Variants in APLF observed in about 807,000 individuals in gnomAD.
APLF encodes aprataxin and PNK-like factor.
APLF carries 61 observed loss-of-function variants against 55.6 expected under a neutral mutation model. That is an observed-to-expected ratio of 1.10 (90% CI 0.89 to 1.36). The LOEUF (loss-of-function observed/expected upper bound fraction) is 1.36, where lower values mean the gene tolerates loss of function less well. Among genes scored for constraint, APLF ranks in the 40% most tolerant of loss-of-function variants. The pLI is 0.00. For missense variants in APLF, 611 were observed against 602.5 expected, an observed-to-expected ratio of 1.01 and a Z score of -0.15; for synonymous variants, 207 against 214.8, an observed-to-expected ratio of 0.96 and a Z score of 0.32.
intron 6 of APLF, chr2:68,531,397 G>A (rs1025926682): frequency 1.3e-5 from 2 of 152,146 alleles, no homozygotes; most frequent in Non-Finnish European, 2.9e-5. Flanking sequence ...ACTGTGCACC[G>A]AAATGATTGA....
At chr2:68,511,875 A>T (rs1669383241) in intron 3 of APLF, among the ~76,000 whole-genome samples, 1 of 151,720 alleles carries the variant, frequency 6.6e-6, no homozygotes, top group Non-Finnish European at 1.5e-5. Context: ...TACTCTAAGT[A>T]AATTTTCTCT....
intron 5 of APLF, among the ~76,000 whole-genome samples, chr2:68,516,009 A>G (rs556473435): frequency 1.3e-5 from 2 of 151,974 alleles, no homozygotes; most frequent in African/African-American, 2.4e-5. Flanking sequence ...TTATTCAGAC[A>G]TGAGTAACTT....
At chr2:68,569,282 G>A (rs1348019176) in intron 9 of APLF, among the ~76,000 whole-genome samples, 4 of 152,104 alleles carry the variant, frequency 2.6e-5, no homozygotes, top group African/African-American at 9.7e-5. Flanking sequence ...GGGAAAGGGA[G>A]GGAGTACTTT....
chr2:68,555,519 C>G (rs191024572), intron 8 of APLF, among the ~76,000 whole-genome samples: 2 of 151,966 alleles, frequency 1.3e-5, no homozygotes, highest in Non-Finnish European at 2.9e-5. Context: ...AGACAATTTT[C>G]AAAAGAGGAT....
At chr2:68,468,835 A>G (rs1003247103) in intron 1 of APLF, among the ~76,000 whole-genome samples, 7 of 152,276 alleles carry the variant, frequency 4.6e-5, no homozygotes, top group African/African-American at 1.4e-4. Context: ...CACCTGTGTC[A>G]GTGAGCTAAC....
intron 7 of APLF, 144 bp from the exon 8 acceptor site, chr2:68,545,043 A>T (rs532957495): frequency 1.4e-4 from 130 of 900,392 alleles, no homozygotes; most frequent in Non-Finnish European, 2.0e-4. Flanking sequence ...ATGTTGATGT[A>T]ATCTGCGCTT....
chr2:68,513,059 A>G (rs759660590), intron 3 of APLF, 21 bp from the exon 4 acceptor site: 2 of 1,575,246 alleles, frequency 1.3e-6, no homozygotes, highest in Non-Finnish European at 1.7e-6. Context: ...ATTAAAGACC[A>G]GTTTCTATTT....
intron 2 of APLF, among the ~76,000 whole-genome samples, chr2:68,502,105 TAATG>T: frequency 6.6e-6 from 1 of 152,194 alleles, no homozygotes; most frequent in Non-Finnish European, 1.5e-5. Context: ...GCTCCCGAGA[TAATG>T]AATCCACTCT....
At chr2:68,467,954 T>C (rs140633093) in intron 1 of APLF, 127 bp downstream of exon 1, 3 of 643,666 alleles carry the variant, frequency 4.7e-6, no homozygotes, top group African/African-American at 3.8e-5. Flanking sequence ...TTTAGAAGTT[T>C]GGGGCCGCAC....
intron 9 of APLF, chr2:68,568,376 A>C: frequency 1.1e-6 from 1 of 895,186 alleles, no homozygotes; most frequent in Non-Finnish European, 1.3e-6. Flanking sequence ...AAATGATTTC[A>C]CTGTAAGGGA....
intron 1 of APLF, among the ~76,000 whole-genome samples, chr2:68,469,021 T>G (rs928584886): frequency 7.0e-5 from 7 of 99,984 alleles, no homozygotes; most frequent in Non-Finnish European, 1.3e-4. Flanking sequence ...TGTGTGTGTG[T>G]TGTGTGTTGT....
chr2:68,560,956 G>A (rs1481852211), intron 8 of APLF, among the ~76,000 whole-genome samples: 3 of 151,936 alleles, frequency 2.0e-5, no homozygotes, highest in Admixed American at 6.6e-5. Flanking sequence ...ACTGACTTTC[G>A]AAAATGGAAT....
intron 1 of APLF, among the ~76,000 whole-genome samples, chr2:68,477,297 A>G (rs2103880571): frequency 6.6e-6 from 1 of 152,338 alleles, no homozygotes; most frequent in East Asian, 1.9e-4. Context: ...GAATCATCTC[A>G]GCATGAGCAG....
chr2:68,498,282 CT>C (rs1475043992), intron 2 of APLF, among the ~76,000 whole-genome samples: 1 of 152,134 alleles, frequency 6.6e-6, no homozygotes, highest in Non-Finnish European at 1.5e-5. Flanking sequence ...AGTTAAAAAT[CT>C]TTGTAAAATT....
At chr2:68,480,607 T>A (rs1675923447) in intron 1 of APLF, among the ~76,000 whole-genome samples, 2 of 152,100 alleles carry the variant, frequency 1.3e-5, no homozygotes, top group Admixed American at 1.3e-4. Flanking sequence ...CGGCTGTTTT[T>A]TTTTTCTTAC....
intron 5 of APLF, among the ~76,000 whole-genome samples, chr2:68,517,096 A>C (rs1289745272): frequency 8.0e-6 from 1 of 124,498 alleles, no homozygotes; most frequent in Non-Finnish European, 1.6e-5. Flanking sequence ...ATTAATATAT[A>C]ATATACTAAT....
rs181465757 is a variant in APLF at position 68,528,037 on chromosome 2, C to T, written c.804+1795C>T. Among the ~76,000 whole-genome samples the T allele has an allele frequency of 1.8e-3, 271 of 151,730 alleles. 3 individuals are homozygous for T. Among genetic ancestry groups the T allele is most frequent in the Middle Eastern group, 6.8e-3 (2 of 294 alleles). On this transcript the variant is annotated intron_variant, in intron 6 of 9. Coordinates refer to ENST00000303795, the MANE Select transcript of APLF (RefSeq NM_173545.3). ...AGAGAGGGCGGGGGCTAGGCAGAGG[C>T]GCTCCTCACTGCCCAGACAGTGCGG...
intron 8 of APLF, among the ~76,000 whole-genome samples, chr2:68,554,577 A>G (rs1670953016): frequency 6.6e-6 from 1 of 150,524 alleles, no homozygotes; most frequent in Non-Finnish European, 1.5e-5. Context: ...GATTTCTTTC[A>G]GCAGTGTTTT....
At chr2:68,500,062 TC>T (rs1676675153) in intron 2 of APLF, among the ~76,000 whole-genome samples, 1 of 152,186 alleles carries the variant, frequency 6.6e-6, no homozygotes, top group African/African-American at 2.4e-5. Flanking sequence ...TGTGTAATCT[TC>T]CTTTTTGTTT....
Sources: gnomAD v4.1 joint callset for allele counts (sites outside exome capture counted in the v4.1 genomes callset) on GRCh38, gnomAD v4.1.1 for gene constraint, MANE v1.5 for transcripts, NCBI Gene and HGNC (gene_info 2026-07-23, HGNC 2026-07-21) for gene names.